MAGI2: variants seen among roughly 807,000 people sequenced by gnomAD.
MAGI2 encodes the protein membrane-associated guanylate kinase, WW and PDZ domain-containing protein 2.
A neutral mutation model predicts 133.3 loss-of-function variants in MAGI2; 35 were observed. The observed-to-expected ratio is 0.26, with a 90% CI of 0.20 to 0.35. The LOEUF (loss-of-function observed/expected upper bound fraction) is 0.35, where lower values mean the gene tolerates loss of function less well. MAGI2 is among the 10% of genes least tolerant of loss of function. The probability of loss-of-function intolerance (pLI) is 1.00; values close to 1 mark genes in which losing one functional copy is unlikely to be tolerated. For missense variants in MAGI2, 1,636 were observed against 1,863.4 expected, an observed-to-expected ratio of 0.88 and a Z score of 2.25; for synonymous variants, 729 against 710.6, an observed-to-expected ratio of 1.03 and a Z score of -0.41.
chr7:78,335,051 T>C (rs1021915266), intron 9 of MAGI2, among the ~76,000 whole-genome samples: 1 of 152,226 alleles, frequency 6.6e-6, no homozygotes, highest in East Asian at 1.9e-4. Flanking sequence ...ACATGTTGTC[T>C]AGGGCTGCTT....
rs1282008361 is a variant in MAGI2 at position 79,127,957 on chromosome 7, A to G, written c.302-120751T>C. ...GGTCTAACATGAAAGTCTTTAATTC[A>G]TCTTGAATTAATTTTTGTATAAGGT... On this transcript the variant is annotated intron_variant, in intron 1 of 21. Transcript: ENST00000354212. Among the ~76,000 whole-genome samples, 10 of 152,246 alleles carry G rather than the reference A, an allele frequency of 6.6e-5. No homozygotes were observed. The East Asian group carries it at 1.9e-3, about 29-fold the overall frequency.
intron 6 of MAGI2, among the ~76,000 whole-genome samples, chr7:78,415,864 A>G (rs1267931288): frequency 2.0e-5 from 3 of 152,152 alleles, no homozygotes; most frequent in African/African-American, 7.2e-5. Context: ...GTTAGATTTA[A>G]TATTTCAACA....
At chr7:78,548,524 G>A (rs982185403) in intron 3 of MAGI2, among the ~76,000 whole-genome samples, 2 of 152,014 alleles carry the variant, frequency 1.3e-5, no homozygotes, top group African/African-American at 2.4e-5. Context: ...GTGAAACCCC[G>A]TCTCTATTAA....
chr7:78,111,177 C>A lies in MAGI2; in HGVS notation c.3567+14517G>T, dbSNP rs543395372. On this transcript the variant is annotated intron_variant, in intron 20 of 21. Transcript: ENST00000354212. ...ATTGTAATTTATTCTCAGGCAAAGA[C>A]AGAAAAATTACGGTTAAGCTTAAAA... Among the ~76,000 whole-genome samples, 6 of 152,274 alleles carry A rather than the reference C, an allele frequency of 3.9e-5. No individual in the cohort carries two copies. The South Asian group carries it at 1.2e-3, about 32-fold the overall frequency.
At chr7:78,177,358 C>T (rs1347437724) in intron 14 of MAGI2, among the ~76,000 whole-genome samples, 1 of 151,838 alleles carries the variant, frequency 6.6e-6, no homozygotes, top group Non-Finnish European at 1.5e-5. Context: ...TAAATCTAGC[C>T]TTGCTGTGTT....
intron 9 of MAGI2, among the ~76,000 whole-genome samples, chr7:78,342,751 T>G (rs903551314): frequency 1.4e-4 from 22 of 151,774 alleles, no homozygotes; most frequent in Non-Finnish European, 2.2e-4. Context: ...TAAGTGGGAG[T>G]TGAACAATGA....
intron 1 of MAGI2, among the ~76,000 whole-genome samples, chr7:79,431,268 A>G (rs1006783988): frequency 1.3e-5 from 2 of 152,224 alleles, no homozygotes; most frequent in African/African-American, 4.8e-5. Flanking sequence ...ATCTACCTGG[A>G]TGCCATTGAG....
At chr7:78,182,207 A>C (rs1191162819) in intron 13 of MAGI2, among the ~76,000 whole-genome samples, 1 of 152,220 alleles carries the variant, frequency 6.6e-6, no homozygotes, top group South Asian at 2.1e-4. Context: ...TAGGAAAGTT[A>C]GCATGAGGAA....
intron 10 of MAGI2, among the ~76,000 whole-genome samples, chr7:78,215,848 C>G (rs1788216286): frequency 6.6e-6 from 1 of 152,158 alleles, no homozygotes; most frequent in African/African-American, 2.4e-5. Flanking sequence ...TTTAAAAATG[C>G]ACAGATGTAA....
chr7:78,547,341 G>A (rs1486156534), intron 3 of MAGI2, among the ~76,000 whole-genome samples: 1 of 152,226 alleles, frequency 6.6e-6, no homozygotes, highest in Non-Finnish European at 1.5e-5. Flanking sequence ...GTGTTTACAA[G>A]CAACAACTGT....
At chr7:78,641,073 G>A (rs542899159) in intron 2 of MAGI2, among the ~76,000 whole-genome samples, 3 of 152,200 alleles carry the variant, frequency 2.0e-5, no homozygotes, top group East Asian at 1.9e-4. Flanking sequence ...TATTCTCCTT[G>A]CTGCCACCAT....
intron 6 of MAGI2, among the ~76,000 whole-genome samples, chr7:78,462,924 C>G (rs1250261089): frequency 1.3e-5 from 2 of 152,132 alleles, no homozygotes; most frequent in Non-Finnish European, 2.9e-5. Flanking sequence ...TCAGCACACG[C>G]AAGTGAACCT....
chr7:78,603,824 A>G (rs1805478979), intron 3 of MAGI2, among the ~76,000 whole-genome samples: 1 of 152,030 alleles, frequency 6.6e-6, no homozygotes, highest in African/African-American at 2.4e-5. Context: ...CCCAGCCAAT[A>G]TTTCTATTTT....
chr7:79,352,864 G>T (rs1528259), intron 1 of MAGI2, among the ~76,000 whole-genome samples: 22,713 of 151,904 alleles, frequency 0.15, 1,806 homozygotes, highest in South Asian at 0.26. Flanking sequence ...GTCTAAAACT[G>T]GGAGCAGAGT....
chr7:78,228,872 A>G (rs1410484513), intron 10 of MAGI2, among the ~76,000 whole-genome samples: 1 of 152,238 alleles, frequency 6.6e-6, no homozygotes, highest in Non-Finnish European at 1.5e-5. Context: ...TAATTATTTC[A>G]TTATGAGGAA....
chr7:79,324,215 G>A (rs2129561927), intron 1 of MAGI2, among the ~76,000 whole-genome samples: 1 of 151,426 alleles, frequency 6.6e-6, no homozygotes, highest in Admixed American at 6.6e-5. Flanking sequence ...TAATTACAAG[G>A]GTCATGCTAA....
chr7:78,131,366 GA>G (rs1472798698), intron 18 of MAGI2, among the ~76,000 whole-genome samples: 4 of 152,204 alleles, frequency 2.6e-5, no homozygotes, highest in Non-Finnish European at 5.9e-5. Flanking sequence ...AAGCAAATGG[GA>G]AATCAGTAGA....
At chr7:79,071,240 G>C (rs1814929777) in intron 1 of MAGI2, among the ~76,000 whole-genome samples, 1 of 152,168 alleles carries the variant, frequency 6.6e-6, no homozygotes. Flanking sequence ...CTGGAGCTTT[G>C]CTCCAGACCC....
At chr7:79,090,126 A>G (rs1816922885) in intron 1 of MAGI2, among the ~76,000 whole-genome samples, 1 of 152,030 alleles carries the variant, frequency 6.6e-6, no homozygotes, top group Non-Finnish European at 1.5e-5. Context: ...AAAACAACTC[A>G]AATTTATAGC....
Sources: gnomAD v4.1 joint callset for allele counts (sites outside exome capture counted in the v4.1 genomes callset) on GRCh38, gnomAD v4.1.1 for gene constraint, MANE v1.5 for transcripts, NCBI Gene and HGNC (gene_info 2026-07-23, HGNC 2026-07-21) for gene names.